The following ADAMTSL1 variants were observed in gnomAD, a reference collection of about 807,000 sequenced individuals.
The protein encoded by ADAMTSL1 is ADAMTS-like protein 1.
ADAMTSL1 carries 126 observed loss-of-function variants against 201.8 expected under a neutral mutation model. The observed-to-expected ratio is 0.62, with a 90% CI of 0.54 to 0.72. The LOEUF (loss-of-function observed/expected upper bound fraction) is 0.72, where lower values mean the gene tolerates loss of function less well. Ranked by LOEUF, ADAMTSL1 falls within the 30% of genes least tolerant of loss-of-function variation. The pLI, the probability that ADAMTSL1 is intolerant of heterozygous loss-of-function variation, is 0.00. For missense variants in ADAMTSL1, 2,679 were observed against 2,277.8 expected (o/e 1.18, Z -3.59); for synonymous variants, 1,121 against 903.4 (o/e 1.24, Z -4.32).
At chr9:17,907,618 G>A (rs1334401896) in intron 1 of ADAMTSL1, among the ~76,000 whole-genome samples, 1 of 152,148 alleles carries the variant, frequency 6.6e-6, no homozygotes, top group East Asian at 1.9e-4. Flanking sequence ...TCCAGGGTGG[G>A]AAATTCAGGC....
chr9:17,970,058 G>A (rs1818144484), intron 1 of ADAMTSL1, among the ~76,000 whole-genome samples: 1 of 152,054 alleles, frequency 6.6e-6, no homozygotes, highest in Non-Finnish European at 1.5e-5. Flanking sequence ...TCTTCAAGTA[G>A]TATATTCAGA....
chr9:18,819,368 G>A (rs1733247272), intron 21 of ADAMTSL1, among the ~76,000 whole-genome samples: 1 of 151,250 alleles, frequency 6.6e-6, no homozygotes, highest in South Asian at 2.1e-4. Context: ...AGGCATGAGA[G>A]TCACTTGAAC....
rs1419514813 is a variant in ADAMTSL1, at chr9:18,794,417, C to A, written c.3678-980C>A. On this transcript the variant is annotated intron_variant, in intron 19 of 28. Transcript: ENST00000380548. ...AAGACCCTGTCTCAAAAAAAAAAAA[C>A]AAAAACAAAAACAAAAAAAAACAAA... Among the ~76,000 whole-genome samples the A allele has an allele frequency of 1.7e-3, 136 of 80,634 alleles. 2 individuals are homozygous for A. The East Asian group carries it at 0.033, about 19-fold the overall frequency. The allele number at this position is 80,634 out of a possible 152,430, so 52.9% of individuals were successfully genotyped here. A position where few individuals can be genotyped will look rare whatever the true frequency, so the allele number is the denominator to read the frequency against.
intron 24 of ADAMTSL1, among the ~76,000 whole-genome samples, chr9:18,889,204 A>G (rs553471529): frequency 6.6e-6 from 1 of 152,352 alleles, no homozygotes; most frequent in South Asian, 2.1e-4. Flanking sequence ...TGGTGAACCA[A>G]TGAGGAAAAA....
intron 23 of ADAMTSL1, among the ~76,000 whole-genome samples, chr9:18,879,481 C>T (rs1828388324): frequency 6.6e-6 from 1 of 152,214 alleles, no homozygotes; most frequent in East Asian, 1.9e-4. Flanking sequence ...GGTTCAGTTA[C>T]AGACCACTGC....
At chr9:18,086,239 C>A (rs1180846274) in intron 1 of ADAMTSL1, among the ~76,000 whole-genome samples, 1 of 152,128 alleles carries the variant, frequency 6.6e-6, no homozygotes. Context: ...ATAGTCCAGA[C>A]TGAAGGAAGG....
At chr9:18,290,352 G>C (rs1337452262) in intron 2 of ADAMTSL1, among the ~76,000 whole-genome samples, 3 of 151,796 alleles carry the variant, frequency 2.0e-5, no homozygotes, top group African/African-American at 7.3e-5. Context: ...GCAGTGAGAA[G>C]GGACAGTGAG....
chr9:18,649,030 A>T (rs1412027086), intron 7 of ADAMTSL1, among the ~76,000 whole-genome samples: 1 of 152,182 alleles, frequency 6.6e-6, no homozygotes, highest in Non-Finnish European at 1.5e-5. Context: ...TACACCAATC[A>T]GACGCAGATT....
At chr9:18,643,095 CTT>C (rs1436198540) in intron 7 of ADAMTSL1, among the ~76,000 whole-genome samples, 6 of 151,852 alleles carry the variant, frequency 4.0e-5, no homozygotes. Context: ...CAATACTTAC[CTT>C]TTGTCTTTTT....
chr9:18,893,684 T>G (rs1187245803), intron 26 of ADAMTSL1, among the ~76,000 whole-genome samples: 1 of 152,176 alleles, frequency 6.6e-6, no homozygotes, highest in Non-Finnish European at 1.5e-5. Context: ...CATCTCACAA[T>G]CCTGTTGATG....
chr9:18,327,721 T>C (rs1353848322), intron 2 of ADAMTSL1, among the ~76,000 whole-genome samples: 9 of 152,232 alleles, frequency 5.9e-5, no homozygotes, highest in Non-Finnish European at 1.2e-4. Context: ...TTTGAGCTAA[T>C]ATAAGGGTGA....
chr9:18,280,234 G>A (rs756167580), intron 2 of ADAMTSL1, among the ~76,000 whole-genome samples: 6 of 152,086 alleles, frequency 3.9e-5, no homozygotes, highest in Non-Finnish European at 5.9e-5. Context: ...TGAATGCTGG[G>A]TCCATGGGTG....
chr9:18,723,811 A>G (rs1426955299), intron 15 of ADAMTSL1: 1 of 152,292 alleles, frequency 6.6e-6, no homozygotes, highest in Non-Finnish European at 1.5e-5. Flanking sequence ...ATAATTGTAT[A>G]GAGGTGCCTT....
chr9:17,947,501 G>A (rs1347888834), intron 1 of ADAMTSL1, among the ~76,000 whole-genome samples: 2 of 151,796 alleles, frequency 1.3e-5, no homozygotes, highest in East Asian at 3.9e-4. Context: ...CCAAATTTTT[G>A]TTTTGTATTT....
chr9:18,134,203 C>G (rs1344007740), intron 1 of ADAMTSL1, among the ~76,000 whole-genome samples: 1 of 152,148 alleles, frequency 6.6e-6, no homozygotes, highest in Non-Finnish European at 1.5e-5. Context: ...AAATGGGGCT[C>G]TAACCTGAAA....
At chr9:18,669,002 G>A (rs1389951963) in intron 9 of ADAMTSL1, among the ~76,000 whole-genome samples, 1 of 152,186 alleles carries the variant, frequency 6.6e-6, no homozygotes, top group Non-Finnish European at 1.5e-5. Flanking sequence ...CAGGCATAAA[G>A]GCAGGCAACC....
intron 1 of ADAMTSL1, among the ~76,000 whole-genome samples, chr9:18,066,311 C>T (rs1822698891): frequency 6.6e-6 from 1 of 152,054 alleles, no homozygotes; most frequent in African/African-American, 2.4e-5. Flanking sequence ...TTCTGGGATG[C>T]TAGCATCACC....
At chr9:18,280,495 A>G (rs1832743243) in intron 2 of ADAMTSL1, among the ~76,000 whole-genome samples, 1 of 151,724 alleles carries the variant, frequency 6.6e-6, no homozygotes, top group African/African-American at 2.4e-5. Context: ...AAGAATTGCC[A>G]TTTGAACAAC....
At chr9:18,900,374 C>T (rs1367969270) in intron 26 of ADAMTSL1, among the ~76,000 whole-genome samples, 1 of 152,166 alleles carries the variant, frequency 6.6e-6, no homozygotes, top group Admixed American at 6.5e-5. Flanking sequence ...TATGGTGATT[C>T]ATCAAAGATC....
Sources: allele counts gnomAD v4.1 joint callset (sites outside exome capture counted in the v4.1 genomes callset), GRCh38; gene constraint gnomAD v4.1.1; transcripts MANE v1.5; gene names NCBI Gene and HGNC (gene_info 2026-07-23, HGNC 2026-07-21).